ODAD2: variants seen among roughly 807,000 people sequenced by gnomAD.
ODAD2 encodes the protein outer dynein arm-docking complex subunit 2.
ODAD2 carries 89 observed loss-of-function variants against 106.8 expected under a neutral mutation model. The ratio of observed to expected loss-of-function variants is 0.83; its 90% CI spans 0.70 to 0.99. The LOEUF (loss-of-function observed/expected upper bound fraction) is 0.99, where lower values mean the gene tolerates loss of function less well. Among genes scored for constraint, ODAD2 ranks in the 50% least tolerant of loss-of-function variants. ODAD2 has a pLI of 0.00. For missense variants in ODAD2, 1,168 were observed against 1,238.5 expected, an observed-to-expected ratio of 0.94 and a Z score of 0.85; for synonymous variants, 404 against 436.2, an observed-to-expected ratio of 0.93 and a Z score of 0.92.
chr10:27,985,678 GC>G (rs1849834591), intron 3 of ODAD2, among the ~76,000 whole-genome samples: 2 of 152,046 alleles, frequency 1.3e-5, no homozygotes, highest in Non-Finnish European at 2.9e-5. Flanking sequence ...GCTTTCCTAA[GC>G]CTACAGACCC....
At chr10:27,861,841 A>C (rs938176910) in intron 18 of ODAD2, among the ~76,000 whole-genome samples, 13 of 152,154 alleles carry the variant, frequency 8.5e-5, no homozygotes, top group African/African-American at 3.1e-4. Context: ...ATTCTTAGGA[A>C]CTCAAAGTCT....
In ODAD2 at chr10:27,924,012, A is replaced by AAGAAAGAG. The variant is rs1590035462; in HGVS notation, c.2495+10997_2495+10998insCTCTTTCT. Among the ~76,000 whole-genome samples the AAGAAAGAG allele has an allele frequency of 3.1e-4, 35 of 113,282 alleles. No homozygotes were observed. The East Asian group carries it at 8.4e-3, about 27-fold the overall frequency. The allele number at this position is 113,282 out of a possible 152,430, so 74.3% of individuals were successfully genotyped here. A position where few individuals can be genotyped will look rare whatever the true frequency, so the allele number is the denominator to read the frequency against. On this transcript the variant is annotated intron_variant, in intron 16 of 19. Transcript: ENST00000305242. ...AAAGAAAGAAAGAAAGAAAGAAAGA[A>AAGAAAGAG]AGAAAGAAAGAAGGAAAGAGAAAGA...
chr10:27,990,939 T>A (rs1334789472), intron 2 of ODAD2, among the ~76,000 whole-genome samples: 1 of 152,188 alleles, frequency 6.6e-6, no homozygotes, highest in Non-Finnish European at 1.5e-5. Context: ...TTCAAAATCA[T>A]ACTGTAGTTC....
At chr10:27,853,396 G>C (rs762002566) in intron 19 of ODAD2, 2 of 168,332 alleles carry the variant, frequency 1.2e-5, no homozygotes, top group Admixed American at 1.2e-4. Context: ...ATAAATAAAA[G>C]TAAGCCCTAA....
chr10:27,926,563 T>G (rs1845274133), intron 16 of ODAD2, among the ~76,000 whole-genome samples: 1 of 152,192 alleles, frequency 6.6e-6, no homozygotes, highest in African/African-American at 2.4e-5. Context: ...ACTATGACTA[T>G]GTAAGATGTT....
chr10:27,998,970 C>G (rs1850726520), intron 1 of ODAD2, 24 bp downstream of exon 1: 1 of 156,748 alleles, frequency 6.4e-6, no homozygotes, highest in Non-Finnish European at 1.4e-5. Flanking sequence ...CTCACCCGGC[C>G]GCGACCGCAG....
intron 7 of ODAD2, among the ~76,000 whole-genome samples, chr10:27,975,681 T>G (rs1417768773): frequency 6.6e-6 from 1 of 152,186 alleles, no homozygotes; most frequent in Non-Finnish European, 1.5e-5. Context: ...CAGATGGCTT[T>G]CACCAAACAT....
At chr10:27,893,882 A>G (rs7099583) in intron 17 of ODAD2, among the ~76,000 whole-genome samples, 100,883 of 152,042 alleles carry the variant, frequency 0.66, 33,794 homozygotes, top group Middle Eastern at 0.74. Context: ...AGGTGTGGTG[A>G]CTCAGGCCTG....
intron 16 of ODAD2, among the ~76,000 whole-genome samples, chr10:27,913,086 A>G (rs763089047): frequency 6.6e-6 from 1 of 152,112 alleles, no homozygotes; most frequent in Non-Finnish European, 1.5e-5. Flanking sequence ...AGACTCTAGA[A>G]ATCTTTTTTG....
chr10:27,954,567 A>G (rs1847590735), intron 10 of ODAD2, among the ~76,000 whole-genome samples: 1 of 152,188 alleles, frequency 6.6e-6, no homozygotes, highest in Non-Finnish European at 1.5e-5. Flanking sequence ...GATTTTTAAC[A>G]TTGTCATGTT....
intron 19 of ODAD2, among the ~76,000 whole-genome samples, chr10:27,825,702 C>A (rs956713603): frequency 1.3e-5 from 2 of 152,168 alleles, no homozygotes; most frequent in African/African-American, 4.8e-5. Context: ...GGTACAGGAA[C>A]AAGACAATCC....
intron 16 of ODAD2, among the ~76,000 whole-genome samples, chr10:27,934,285 C>T (rs1174913686): frequency 2.0e-5 from 3 of 151,960 alleles, no homozygotes; most frequent in Non-Finnish European, 2.9e-5. Flanking sequence ...TACCTCCCCA[C>T]ACTTCCTGTT....
intron 19 of ODAD2, among the ~76,000 whole-genome samples, chr10:27,813,969 G>A (rs1835933889): frequency 6.6e-6 from 1 of 152,092 alleles, no homozygotes; most frequent in Non-Finnish European, 1.5e-5. Context: ...TATCCAAATA[G>A]AAGAAAATAA....
At chr10:27,905,624 A>G (rs113417068) in intron 17 of ODAD2, among the ~76,000 whole-genome samples, 4 of 152,324 alleles carry the variant, frequency 2.6e-5, no homozygotes, top group African/African-American at 9.6e-5. Flanking sequence ...CTATACTACA[A>G]GGCTACAGTA....
chr10:27,848,071 C>T (rs1838924863), intron 19 of ODAD2, among the ~76,000 whole-genome samples: 1 of 152,184 alleles, frequency 6.6e-6, no homozygotes, highest in Non-Finnish European at 1.5e-5. Context: ...GAAAAAACTA[C>T]TTTAAAGTTC....
intron 10 of ODAD2, 135 bp downstream of exon 10, chr10:27,961,433 A>G (rs1475268601): frequency 2.3e-6 from 2 of 878,030 alleles, no homozygotes; most frequent in East Asian, 5.2e-5. Flanking sequence ...CCCTGCACAA[A>G]CTTAGATAAA....
At chr10:27,952,951 CTG>C (rs1301906696) in intron 10 of ODAD2, among the ~76,000 whole-genome samples, 4 of 152,072 alleles carry the variant, frequency 2.6e-5, no homozygotes, top group Non-Finnish European at 5.9e-5. Flanking sequence ...TCTTCTCAAA[CTG>C]TAGTGTGCAT....
intron 13 of ODAD2, among the ~76,000 whole-genome samples, chr10:27,940,323 G>A (rs961279309): frequency 6.6e-5 from 10 of 151,340 alleles, no homozygotes; most frequent in African/African-American, 2.0e-4. Flanking sequence ...CAGCATATAC[G>A]TGTGAGATTT....
intron 19 of ODAD2, 71 bp from the exon 20 acceptor site, chr10:27,812,696 T>C: frequency 6.8e-7 from 1 of 1,476,570 alleles, no homozygotes. Flanking sequence ...AAAGTTAGGC[T>C]AGGAAAATAA....
Sources: allele counts gnomAD v4.1 joint callset (sites outside exome capture counted in the v4.1 genomes callset), GRCh38; gene constraint gnomAD v4.1.1; transcripts MANE v1.5; gene names NCBI Gene and HGNC (gene_info 2026-07-23, HGNC 2026-07-21).